FRMPD1: variants seen among roughly 807,000 people sequenced by gnomAD.
FRMPD1 encodes the protein FERM and PDZ domain containing 1.
In FRMPD1, 76 loss-of-function variants were observed where a neutral mutation model predicts 117.8. The observed-to-expected ratio is 0.65, with a 90% confidence interval of 0.54 to 0.78. FRMPD1 has a LOEUF of 0.78. Among genes scored for constraint, FRMPD1 ranks in the 30% least tolerant of loss-of-function variants. FRMPD1 has a pLI of 0.00. For missense variants in FRMPD1, 1,786 were observed against 1,964.5 expected (o/e 0.91, Z 1.72); for synonymous variants, 783 against 770.4 (o/e 1.02, Z -0.27).
At chr9:37,688,496 A>G (rs1371403732) in intron 1 of FRMPD1, among the ~76,000 whole-genome samples, 1 of 152,040 alleles carries the variant, frequency 6.6e-6, no homozygotes, top group Non-Finnish European at 1.5e-5. Flanking sequence ...ATATACATCC[A>G]AATTCTTAAA....
At chr9:37,663,973 G>A (rs1027918118) in intron 1 of FRMPD1, among the ~76,000 whole-genome samples, 8 of 152,168 alleles carry the variant, frequency 5.3e-5, no homozygotes, top group Non-Finnish European at 1.2e-4. Context: ...GTTCAAGTTT[G>A]GTTGAATCCA....
the FRMPD1 span, among the ~76,000 whole-genome samples, chr9:37,630,272 T>A: frequency 0.024 from 3,614 of 152,334 alleles, 163 homozygotes; most frequent in African/African-American, 0.082. Context: ...TTACAATTGA[T>A]AGTGCCTTAG....
the FRMPD1 span, among the ~76,000 whole-genome samples, chr9:37,631,178 C>A: frequency 6.6e-6 from 1 of 152,068 alleles, no homozygotes; most frequent in African/African-American, 2.4e-5. Context: ...TGTTAAAAAG[C>A]ACTTCGATGT....
the FRMPD1 span, among the ~76,000 whole-genome samples, chr9:37,644,147 G>A: frequency 6.6e-6 from 1 of 152,170 alleles, no homozygotes; most frequent in African/African-American, 2.4e-5. Flanking sequence ...GGGATAGTTT[G>A]GTCCACCTGT....
At chr9:37,615,267 C>T in the FRMPD1 span, among the ~76,000 whole-genome samples, 2 of 152,158 alleles carry the variant, frequency 1.3e-5, no homozygotes, top group East Asian at 3.9e-4. Flanking sequence ...CATACCATGC[C>T]TGGCTAATTT....
At chr9:37,628,357 G>T in the FRMPD1 span, among the ~76,000 whole-genome samples, 1 of 152,078 alleles carries the variant, frequency 6.6e-6, no homozygotes, top group Admixed American at 6.5e-5. Flanking sequence ...CTTGGACTCA[G>T]GACAAAAGAG....
At chr9:37,643,296 G>A in the FRMPD1 span, among the ~76,000 whole-genome samples, 9 of 152,008 alleles carry the variant, frequency 5.9e-5, 1 homozygote, top group South Asian at 1.9e-3. Context: ...TTGCTCCTTT[G>A]TTATTTTTTT....
intron 10 of FRMPD1, among the ~76,000 whole-genome samples, chr9:37,733,132 A>G (rs1025861521): frequency 1.1e-4 from 16 of 152,248 alleles, no homozygotes; most frequent in African/African-American, 3.4e-4. Context: ...GCGTTGCCCC[A>G]TGAGAGTGTC....
chr9:37,624,972 C>A, the FRMPD1 span, among the ~76,000 whole-genome samples: 1 of 152,178 alleles, frequency 6.6e-6, no homozygotes, highest in South Asian at 2.1e-4. Context: ...TACCCTCTAA[C>A]AATATGTCAG....
chr9:37,618,159 C>T, the FRMPD1 span, among the ~76,000 whole-genome samples: 12 of 152,126 alleles, frequency 7.9e-5, no homozygotes, highest in South Asian at 2.1e-4. Flanking sequence ...TGATAGCCTT[C>T]GGCAGGGACA....
In FRMPD1 at chr9:37,729,804, A is replaced by G. The variant is rs753042129; in HGVS notation, c.689A>G (p.Tyr230Cys). The G allele has an allele frequency of 1.2e-6, 2 of 1,613,902 alleles. No homozygotes were observed. The highest frequency in any genetic ancestry group is 2.2e-5 in the South Asian group (2 of 91,082). The change falls in exon 8 of 16, where the codon TAC becomes TGC. Residue 230 changes from tyrosine to cysteine, a missense_variant. Tyr to Cys is a radical substitution (Grantham distance 194). Transcript: ENST00000377765. ...TTTGCACTGGCCCTGGAAGAGCAGT[A>G]CAGCATCTCCCGGCTGCACCTGCTG... ...EYFALALEEQ[Y>C]SISRLHLLHE...
chr9:37,620,467 C>T, the FRMPD1 span, among the ~76,000 whole-genome samples: 16 of 151,790 alleles, frequency 1.1e-4, no homozygotes, highest in Admixed American at 5.9e-4. Flanking sequence ...AGTCCAGCAC[C>T]GGGCATAGAG....
intron 1 of FRMPD1, among the ~76,000 whole-genome samples, chr9:37,683,469 G>A (rs1301767987): frequency 6.6e-6 from 1 of 152,196 alleles, no homozygotes; most frequent in Non-Finnish European, 1.5e-5. Flanking sequence ...AAAACAGACT[G>A]TAGAGGGGAG....
chr9:37,639,661 C>A, the FRMPD1 span, among the ~76,000 whole-genome samples: 2 of 152,304 alleles, frequency 1.3e-5, no homozygotes, highest in South Asian at 4.1e-4. Flanking sequence ...GTCCATACAT[C>A]CATGGGCTGG....
chr9:37,654,194 C>T (rs942122468), intron 1 of FRMPD1, among the ~76,000 whole-genome samples: 2 of 152,112 alleles, frequency 1.3e-5, no homozygotes, highest in African/African-American at 4.8e-5. Flanking sequence ...ATGAAGAAGT[C>T]ATTACATAAA....
At chr9:37,606,215 C>T in the FRMPD1 span, among the ~76,000 whole-genome samples, 2 of 152,038 alleles carry the variant, frequency 1.3e-5, no homozygotes, top group Non-Finnish European at 2.9e-5. Context: ...AGGAAAGAAA[C>T]CTGCTCTTGT....
At chr9:37,638,091 C>T in the FRMPD1 span, among the ~76,000 whole-genome samples, 2 of 143,290 alleles carry the variant, frequency 1.4e-5, no homozygotes, top group Admixed American at 7.1e-5. Flanking sequence ...TCTTTTCTTT[C>T]GAGACGGAGT....
In FRMPD1 at chr9:37,716,797, C is replaced by G. The variant is rs189240559; in HGVS notation, c.409-2272C>G. 2.0e-5 allele frequency among the ~76,000 whole-genome samples: 3 copies of G among 152,116 alleles called. No individual in the cohort carries two copies. The East Asian group carries it at 5.8e-4, about 29-fold the overall frequency. On this transcript the variant is annotated intron_variant, in intron 5 of 15. Coordinates refer to ENST00000377765, the MANE Select transcript of FRMPD1 (RefSeq NM_014907.3). ...TTTTAGTGATTTCCTGGCCTTTGACCCATAGCTATCTCTGGTCCTTAAGTT... is the reference window on the plus strand; with the variant it reads ...TTTTAGTGATTTCCTGGCCTTTGACGCATAGCTATCTCTGGTCCTTAAGTT...
chr9:37,620,717 G>GT, the FRMPD1 span, among the ~76,000 whole-genome samples: 82 of 148,682 alleles, frequency 5.5e-4, no homozygotes, highest in Middle Eastern at 3.5e-3. Context: ...GTATAGCACA[G>GT]TTTTTTTTTT....
Sources: gnomAD v4.1 joint callset for allele counts (sites outside exome capture counted in the v4.1 genomes callset) on GRCh38, gnomAD v4.1.1 for gene constraint, MANE v1.5 for transcripts, NCBI Gene and HGNC (gene_info 2026-07-23, HGNC 2026-07-21) for gene names.